The following C19orf25 variants were observed in gnomAD, a reference collection of about 807,000 sequenced individuals.
The protein encoded by C19orf25 is chromosome 19 open reading frame 25.
C19orf25 carries 1 observed loss-of-function variant against 3.1 expected under a neutral mutation model. The ratio of observed to expected loss-of-function variants is 0.32; its 90% CI spans 0.12 to 1.54. The LOEUF (loss-of-function observed/expected upper bound fraction) is 1.54, where lower values mean the gene tolerates loss of function less well. C19orf25 is among the 40% of genes most tolerant of loss of function. The pLI is 0.38. For synonymous variants in C19orf25, 91 were observed against 74.3 expected, an observed-to-expected ratio of 1.23 and a Z score of -1.16; for missense variants, 196 against 160.4, an observed-to-expected ratio of 1.22 and a Z score of -1.20.
rs1491196253 is a variant in C19orf25, at chr19:1,473,491, CAG to C, written c.*1539_*1540del. ...TCCAGGGGGTGCACAGCACCCCAGA[CAG>C]GGGGTCCAACCTGGGCATTGGTACC... On this transcript the variant is annotated 3_prime_UTR_variant, in exon 3 of 3. Coordinates refer to ENST00000585675, the MANE Select transcript of C19orf25 (RefSeq NM_152482.3). 4 of 152,294 alleles carry C rather than the reference CAG, an allele frequency of 2.6e-5. No homozygotes were observed. Among genetic ancestry groups the C allele is most frequent in the African/African-American group, 7.2e-5 (3 of 41,462 alleles). 9.4% of individuals were successfully genotyped at this position (152,294 alleles called of 1,614,324 possible).
At position 1,474,774 on chromosome 19, in the gene C19orf25, C is replaced by A; in HGVS notation, c.*258G>T. ...AGCTGACGACAGAATCACAGTACAGCAATAATGTCCCTATCCTCTTCCAGA... is the reference window on the plus strand; with the variant it reads ...AGCTGACGACAGAATCACAGTACAGAAATAATGTCCCTATCCTCTTCCAGA... On this transcript the variant is annotated 3_prime_UTR_variant, in exon 3 of 3. Transcript: ENST00000585675. 1 of 1,428,752 alleles carries A rather than the reference C, an allele frequency of 7.0e-7. No individual in the cohort carries two copies. The highest frequency in any genetic ancestry group is 9.2e-7 in the Non-Finnish European group (1 of 1,091,610). The allele number at this position is 1,428,752 out of a possible 1,614,324, so 88.5% of individuals were successfully genotyped here.
At position 1,476,731 on chromosome 19, in the gene C19orf25, CT is replaced by C. The variant is rs2084209303; in HGVS notation, c.131-1474del. Among the ~76,000 whole-genome samples, 26 of 152,314 alleles carry C rather than the reference CT, an allele frequency of 1.7e-4. No individual in the cohort carries two copies. The South Asian group carries it at 5.4e-3, about 32-fold the overall frequency. ...TCCTGGGCGCAAGCAACCCTCCTGC[CT>C]CAGCCTCCTGAGTAGCTAAGACCAC... On this transcript the variant is annotated intron_variant, in intron 2 of 2. Coordinates refer to ENST00000585675, the MANE Select transcript of C19orf25 (RefSeq NM_152482.3).
intron 2 of C19orf25, among the ~76,000 whole-genome samples, chr19:1,476,994 CTTTTTTCT>C (rs2084211710): frequency 1.4e-5 from 1 of 73,102 alleles, no homozygotes; most frequent in Admixed American, 1.4e-4. Context: ...GGCTCATTTT[CTTTTTTCT>C]TTTTTTTTTT....
chr19:1,477,828 ATTTC>A (rs1406891310), intron 2 of C19orf25, among the ~76,000 whole-genome samples: 2 of 152,028 alleles, frequency 1.3e-5, no homozygotes, highest in South Asian at 2.1e-4. Context: ...TACTTTATTT[ATTTC>A]TATTTATTAA....
rs1405026770 is a variant in C19orf25, at chr19:1,478,782, G to A, written c.122C>T (p.Ala41Val). The A allele has an allele frequency of 2.5e-6, 4 of 1,575,468 alleles. No homozygotes were observed. Among genetic ancestry groups the A allele is most frequent in the Non-Finnish European group, 3.4e-6 (4 of 1,161,326 alleles). Residue 41 changes from alanine to valine, a missense_variant, in exon 2 of 3, where the codon GCC (alanine) becomes GTC (valine). Ala to Val is a moderately conservative substitution (Grantham distance 64, BLOSUM62 0). Transcript: ENST00000585675. ...GACCGGGCTCCCCCTACCTTCCGGG[G>A]CCAGGATGGTGAACACTGGATCCTC... Reference protein sequence around the residue: ...PAEDPVFTILAPEDPPVPFRM... With the variant: ...PAEDPVFTILVPEDPPVPFRM...
chr19:1,476,322 C>T (rs779667242), intron 2 of C19orf25: 5 of 398,654 alleles, frequency 1.3e-5, no homozygotes, highest in African/African-American at 2.1e-5. Context: ...TGGGAAAGGC[C>T]GGGCAGTGCC....
At position 1,476,514 on chromosome 19, in the gene C19orf25, C is replaced by G. The variant is rs1437023119; in HGVS notation, c.131-1256G>C. 7.8e-6 allele frequency: 3 copies of G among 385,768 alleles called. No homozygotes were observed. In the East Asian group the frequency reaches 1.1e-4, roughly 14 times the overall value. The allele number at this position is 385,768 out of a possible 1,614,324, so 23.9% of individuals were successfully genotyped here. ...AATAAAACCAACTCATGCACCTTGA[C>G]CAGTACCGGCCCACAGAACCTTCCA... On this transcript the variant is annotated intron_variant, in intron 2 of 2. Transcript: ENST00000585675.
chr19:1,476,068 G>C, intron 2 of C19orf25: 1 of 397,564 alleles, frequency 2.5e-6, no homozygotes. Flanking sequence ...GGTGGGCATT[G>C]ACGTCCTGGT....
Position 1,478,911 on chromosome 19 carries a change from G to A in C19orf25, c.-2-6C>T, listed in dbSNP as rs536913103. ...CTTTGCCTTGGAGCCCATCTCTGAAGGCGGGGAAGGGGGCGCTGACCGGGG... is the reference window on the plus strand; with the variant it reads ...CTTTGCCTTGGAGCCCATCTCTGAAAGCGGGGAAGGGGGCGCTGACCGGGG... On this transcript the variant is annotated splice_polypyrimidine_tract_variant and splice_region_variant and intron_variant, in intron 1 of 2. Coordinates refer to ENST00000585675, the MANE Select transcript of C19orf25 (RefSeq NM_152482.3). 66 of 1,584,842 alleles carry A rather than the reference G, an allele frequency of 4.2e-5. No individual in the cohort carries two copies. Among genetic ancestry groups the A allele is most frequent in the African/African-American group, 5.5e-5 (4 of 73,188 alleles).
rs527752210 is a variant in C19orf25 at position 1,473,682 on chromosome 19, A to G, written c.*1350T>C. Reference sequence around the variant, plus strand: ...CGGGAGCTGGGACGGCCCCACGTCAAAGCCACTTCAGGGAGCACAGCCCTG... The same window carrying G: ...CGGGAGCTGGGACGGCCCCACGTCAGAGCCACTTCAGGGAGCACAGCCCTG... On this transcript the variant is annotated 3_prime_UTR_variant, in exon 3 of 3. Coordinates refer to ENST00000585675, the MANE Select transcript of C19orf25 (RefSeq NM_152482.3). 13 of 152,668 alleles carry G rather than the reference A, an allele frequency of 8.5e-5. No homozygotes were observed. The highest frequency in any genetic ancestry group is 2.1e-4 in the South Asian group (1 of 4,834). 9.5% of individuals were successfully genotyped at this position (152,668 alleles called of 1,614,324 possible).
intron 2 of C19orf25, chr19:1,475,551 T>A (rs1022043162): frequency 1.3e-5 from 5 of 387,446 alleles, no homozygotes; most frequent in African/African-American, 1.0e-4. Flanking sequence ...TAGCTGGGCG[T>A]GGTAGCACGC....
At position 1,478,809 on chromosome 19, in the gene C19orf25, G is replaced by C; in HGVS notation, c.95C>G (p.Ala32Gly). ...QILEDVRGAPAEDPVFTILAP... is the reference protein window; with the variant it reads ...QILEDVRGAPGEDPVFTILAP... ...CAGGATGGTGAACACTGGATCCTCT[G>C]CCGGCGCACCCCGCACATCCTCCAG... is the stretch of plus-strand genomic sequence containing the variant. The change falls in exon 2 of 3, where the codon GCA (alanine) becomes GGA (glycine). Residue 32 changes from alanine to glycine, a missense_variant. Physicochemically the swap from Ala to Gly is moderately conservative, Grantham distance 60. Transcript: ENST00000585675. 4 of 1,586,186 alleles carry C rather than the reference G, an allele frequency of 2.5e-6. No homozygotes were observed. Among genetic ancestry groups the C allele is most frequent in the South Asian group, 1.2e-5 (1 of 86,752 alleles).
At chr19:1,475,426 A>G in intron 2 of C19orf25, 168 bp from the exon 3 acceptor site, 1 of 674,546 alleles carries the variant, frequency 1.5e-6, no homozygotes, top group Non-Finnish European at 2.5e-6. Flanking sequence ...TCACGCCTGT[A>G]ATCCAGCACT....
chr19:1,473,657 C>CGGGAGCTGG lies in C19orf25; in HGVS notation c.*1366_*1374dup, dbSNP rs2084173399. The CGGGAGCTGG allele has an allele frequency of 6.6e-6, 1 of 152,472 alleles. No homozygotes were observed. 9.4% of individuals were successfully genotyped at this position (152,472 alleles called of 1,614,324 possible). On this transcript the variant is annotated 3_prime_UTR_variant, in exon 3 of 3. Transcript: ENST00000585675. ...GAGAGTCAATGGTGGACAGGGGCTG[C>CGGGAGCTGG]GGGAGCTGGGACGGCCCCACGTCAA...
rs1054622559 is a variant in C19orf25 at position 1,474,810 on chromosome 19, G to A, written c.*222C>T. 17 of 1,441,362 alleles carry A rather than the reference G, an allele frequency of 1.2e-5. No homozygotes were observed. The highest frequency in any genetic ancestry group is 1.5e-5 in the Non-Finnish European group (16 of 1,099,852). 89.3% of individuals were successfully genotyped at this position (1,441,362 alleles called of 1,614,324 possible). ...CTATCCTCTTCCAGAACCCCAGTGG[G>A]GCCCTCAGGTCACGCAGGACGGAGC... On this transcript the variant is annotated 3_prime_UTR_variant, in exon 3 of 3. Coordinates refer to ENST00000585675, the MANE Select transcript of C19orf25 (RefSeq NM_152482.3).
chr19:1,476,041 G>C, intron 2 of C19orf25: 1 of 396,414 alleles, frequency 2.5e-6, no homozygotes, highest in Non-Finnish European at 4.4e-6. Flanking sequence ...AGGGAGGCAG[G>C]GGTGGCGAAG....
chr19:1,475,287 C>A, intron 2 of C19orf25, 29 bp from the exon 3 acceptor site: 1 of 1,518,780 alleles, frequency 6.6e-7, no homozygotes, highest in Non-Finnish European at 8.9e-7. Flanking sequence ...GCATCACTGC[C>A]TGCTGACCAC....
chr19:1,478,850 G>A lies in C19orf25; in HGVS notation c.54C>T (p.Pro18=), dbSNP rs372612743. ...RVLLPTRPAP[P]TVEQILEDVR... is the part of the protein sequence containing the mutation. ...CATCCTCCAGGATCTGCTCCACCGT[G>A]GGGGGCGCTGGGCGGGTGGGCAGCA... The change falls in exon 2 of 3, where the codon CCC becomes CCT. Residue 18 remains proline, a synonymous_variant. Transcript: ENST00000585675. The A allele has an allele frequency of 3.8e-6, 6 of 1,594,046 alleles. No individual in the cohort carries two copies. The highest frequency in any genetic ancestry group is 1.1e-5 in the South Asian group (1 of 87,890).
chr19:1,476,335 G>A, intron 2 of C19orf25: 1 of 398,902 alleles, frequency 2.5e-6, no homozygotes, highest in African/African-American at 2.1e-5. Context: ...GCAGTGCCTG[G>A]ATGAAGGCAC....
Sources: allele counts gnomAD v4.1 joint callset (sites outside exome capture counted in the v4.1 genomes callset), GRCh38; gene constraint gnomAD v4.1.1; transcripts MANE v1.5; gene names NCBI Gene and HGNC (gene_info 2026-07-23, HGNC 2026-07-21).